C10orf90: variants seen among roughly 807,000 people sequenced by gnomAD.
C10orf90 encodes the protein chromosome 10 open reading frame 90, also known as (E2-independent) E3 ubiquitin-conjugating enzyme FATS.
Under a neutral mutation model 62.5 loss-of-function variants are expected in C10orf90, and 56 were observed. The observed-to-expected ratio is 0.90, with a 90% CI of 0.72 to 1.12. The LOEUF (loss-of-function observed/expected upper bound fraction) is 1.12, where lower values mean the gene tolerates loss of function less well. C10orf90 is among the 50% of genes most tolerant of loss of function. C10orf90 has a pLI of 0.00. For synonymous variants in C10orf90, 386 were observed against 340.4 expected, an observed-to-expected ratio of 1.13 and a Z score of -1.47; for missense variants, 970 against 880.4, an observed-to-expected ratio of 1.10 and a Z score of -1.29.
At chr10:126,499,457 T>C (rs1038031212) in intron 4 of C10orf90, among the ~76,000 whole-genome samples, 3 of 152,196 alleles carry the variant, frequency 2.0e-5, no homozygotes, top group Non-Finnish European at 4.4e-5. Flanking sequence ...TTCTGGTCCC[T>C]CTAGTAAAAA....
chr10:126,560,966 C>T (rs955188399), intron 2 of C10orf90, among the ~76,000 whole-genome samples: 7 of 152,202 alleles, frequency 4.6e-5, no homozygotes, highest in Admixed American at 4.6e-4. Flanking sequence ...TCTTCTAGGA[C>T]AGTATCTATT....
chr10:126,584,117 C>A (rs1186799228), intron 2 of C10orf90, among the ~76,000 whole-genome samples: 2 of 151,960 alleles, frequency 1.3e-5, no homozygotes, highest in Non-Finnish European at 2.9e-5. Context: ...AAGACTCTAT[C>A]TCAGAAGAAA....
Position 126,464,940 on chromosome 10 carries a change from T to C in C10orf90, c.1581A>G (p.Glu527=), listed in dbSNP as rs1373525627. Residue 527 remains glutamate, a synonymous_variant, in exon 5 of 10, where the codon GAA becomes GAG. Coordinates refer to ENST00000488181, the MANE Select transcript of C10orf90 (RefSeq NM_001350921.2). ...GAGGAGCAGACACAGTCATACATAC[T>C]TCTCCTTGTTGCCTCTTGCTGCTTC... ...FSGSSKRQQG[E]VCMTVSAPPV... 2 of 1,598,200 alleles carry C rather than the reference T, an allele frequency of 1.3e-6. No homozygotes were observed. Among genetic ancestry groups the C allele is most frequent in the South Asian group, 2.2e-5 (2 of 90,646 alleles).
At chr10:126,498,810 T>G (rs537804692) in intron 4 of C10orf90, among the ~76,000 whole-genome samples, 1 of 152,294 alleles carries the variant, frequency 6.6e-6, no homozygotes, top group African/African-American at 2.4e-5. Flanking sequence ...CATCCCAGAT[T>G]CAGAGTTCCC....
intron 1 of C10orf90, among the ~76,000 whole-genome samples, chr10:126,657,012 A>T (rs1261474995): frequency 6.6e-6 from 1 of 152,190 alleles, no homozygotes; most frequent in Non-Finnish European, 1.5e-5. Context: ...CATCCCAGGC[A>T]TTCATACTTT....
chr10:126,503,120 A>T (rs1308323660), intron 4 of C10orf90, among the ~76,000 whole-genome samples: 3 of 152,222 alleles, frequency 2.0e-5, no homozygotes, highest in Non-Finnish European at 2.9e-5. Flanking sequence ...TAATTCATAA[A>T]CCAGAGCCTC....
intron 7 of C10orf90, among the ~76,000 whole-genome samples, chr10:126,443,031 T>C (rs930735303): frequency 6.6e-6 from 1 of 152,000 alleles, no homozygotes; most frequent in African/African-American, 2.4e-5. Context: ...GGAAAGTTCA[T>C]AGCCCTGAAT....
At chr10:126,575,087 A>T (rs1844583143) in intron 2 of C10orf90, among the ~76,000 whole-genome samples, 1 of 152,162 alleles carries the variant, frequency 6.6e-6, no homozygotes, top group Non-Finnish European at 1.5e-5. Flanking sequence ...TAACATGATT[A>T]TGCATGTAGA....
intron 7 of C10orf90, among the ~76,000 whole-genome samples, chr10:126,430,481 G>A (rs1857506179): frequency 6.6e-6 from 1 of 152,142 alleles, no homozygotes; most frequent in Non-Finnish European, 1.5e-5. Context: ...GATGTTCACA[G>A]ATGGCACACT....
chr10:126,471,435 T>G (rs543292744), intron 4 of C10orf90, among the ~76,000 whole-genome samples: 1 of 152,320 alleles, frequency 6.6e-6, no homozygotes, highest in African/African-American at 2.4e-5. Flanking sequence ...GAGGGGCTGA[T>G]GACCAAGAAA....
chr10:126,622,077 C>T (rs528955849), intron 2 of C10orf90, among the ~76,000 whole-genome samples: 2 of 152,180 alleles, frequency 1.3e-5, no homozygotes, highest in East Asian at 1.9e-4. Context: ...GCACCCAGAA[C>T]GTGTTCCTTT....
chr10:126,579,667 C>A (rs1844705233), intron 2 of C10orf90, among the ~76,000 whole-genome samples: 1 of 151,852 alleles, frequency 6.6e-6, no homozygotes, highest in Non-Finnish European at 1.5e-5. Flanking sequence ...CAAAAAACAA[C>A]AGAAGTTTTT....
chr10:126,637,498 C>G (rs1202002371), intron 2 of C10orf90, among the ~76,000 whole-genome samples: 1 of 152,198 alleles, frequency 6.6e-6, no homozygotes, highest in Non-Finnish European at 1.5e-5. Flanking sequence ...GATGGAGGAG[C>G]AAGTATTCAT....
intron 4 of C10orf90, among the ~76,000 whole-genome samples, chr10:126,502,090 AACCACACACAC>A (rs1351316714): frequency 3.0e-4 from 42 of 140,700 alleles, no homozygotes; most frequent in African/African-American, 1.1e-3. Context: ...CACACCACAC[AACCACACACAC>A]ACCACACACA....
intron 7 of C10orf90, among the ~76,000 whole-genome samples, chr10:126,452,506 A>T (rs1590927867): frequency 6.6e-6 from 1 of 152,236 alleles, no homozygotes; most frequent in Admixed American, 6.5e-5. Context: ...TGCTTTGTGC[A>T]GTATAAAGGG....
chr10:126,495,349 T>A (rs1861987283), intron 4 of C10orf90, among the ~76,000 whole-genome samples: 1 of 152,162 alleles, frequency 6.6e-6, no homozygotes, highest in Admixed American at 6.5e-5. Context: ...ACCCCACCCA[T>A]GTCTGATGCA....
At chr10:126,657,864 C>T (rs1242671736) in intron 1 of C10orf90, among the ~76,000 whole-genome samples, 1 of 152,156 alleles carries the variant, frequency 6.6e-6, no homozygotes, top group Non-Finnish European at 1.5e-5. Flanking sequence ...GATCTGCCTG[C>T]CTCGGCCTCC....
intron 1 of C10orf90, among the ~76,000 whole-genome samples, chr10:126,655,195 G>C (rs984472398): frequency 3.3e-5 from 5 of 152,120 alleles, no homozygotes; most frequent in African/African-American, 1.2e-4. Flanking sequence ...GCACGTGCCT[G>C]TAGTCCCAGC....
At chr10:126,475,617 A>G (rs1860816569) in intron 4 of C10orf90, among the ~76,000 whole-genome samples, 1 of 150,246 alleles carries the variant, frequency 6.7e-6, no homozygotes, top group Admixed American at 6.6e-5. Context: ...GCATATGAGT[A>G]TGCTTGGCAA....
Sources: allele counts gnomAD v4.1 joint callset (sites outside exome capture counted in the v4.1 genomes callset), GRCh38; gene constraint gnomAD v4.1.1; transcripts MANE v1.5; gene names NCBI Gene and HGNC (gene_info 2026-07-23, HGNC 2026-07-21).